The following EDC3 variants were observed in gnomAD, a reference collection of about 807,000 sequenced individuals.
The protein encoded by EDC3 is enhancer of mRNA-decapping protein 3.
A neutral mutation model predicts 41.8 loss-of-function variants in EDC3; 20 were observed. The ratio of observed to expected loss-of-function variants is 0.48; its 90% CI spans 0.34 to 0.70. The LOEUF (loss-of-function observed/expected upper bound fraction) is 0.70, where lower values mean the gene tolerates loss of function less well. Ranked by LOEUF, EDC3 falls within the 30% of genes least tolerant of loss-of-function variation. EDC3 has a pLI of 0.01. For synonymous variants in EDC3, 206 were observed against 243.2 expected, an observed-to-expected ratio of 0.85 and a Z score of 1.42; for missense variants, 444 against 636.8, an observed-to-expected ratio of 0.70 and a Z score of 3.26.
At chr15:74,693,327 G>C (rs1484323561) in intron 1 of EDC3, among the ~76,000 whole-genome samples, 3 of 151,978 alleles carry the variant, frequency 2.0e-5, no homozygotes, top group Non-Finnish European at 4.4e-5. Flanking sequence ...TCCCCTAATA[G>C]GTATAGTTGA....
At chr15:74,694,202 T>G (rs1372232426) in intron 1 of EDC3, among the ~76,000 whole-genome samples, 2 of 152,200 alleles carry the variant, frequency 1.3e-5, no homozygotes, top group Non-Finnish European at 2.9e-5. Context: ...TGGCAAGGAT[T>G]TTAAACATTT....
At chr15:74,690,424 A>G (rs913488722) in intron 1 of EDC3, among the ~76,000 whole-genome samples, 3 of 152,222 alleles carry the variant, frequency 2.0e-5, no homozygotes, top group African/African-American at 7.2e-5. Context: ...TCCATAAATT[A>G]CAAATAAACA....
chr15:74,649,883 T>G (rs1443701924), intron 4 of EDC3, among the ~76,000 whole-genome samples: 1 of 151,126 alleles, frequency 6.6e-6, no homozygotes, highest in East Asian at 1.9e-4. Flanking sequence ...CACAAAACCA[T>G]GTAGGCTTGG....
At chr15:74,665,542 G>C (rs1367684955) in intron 3 of EDC3, among the ~76,000 whole-genome samples, 3 of 152,062 alleles carry the variant, frequency 2.0e-5, no homozygotes, top group Non-Finnish European at 4.4e-5. Flanking sequence ...CCTAAACAAG[G>C]CTTGGTTTCC....
At chr15:74,695,293 TA>T (rs1370051211) in intron 1 of EDC3, 1 of 152,180 alleles carries the variant, frequency 6.6e-6, no homozygotes, top group Non-Finnish European at 1.5e-5. Flanking sequence ...CAAAACACTT[TA>T]ACCACTCAGC....
intron 3 of EDC3, among the ~76,000 whole-genome samples, chr15:74,659,747 AAAAAT>A (rs1295653565): frequency 4.0e-5 from 6 of 151,812 alleles, no homozygotes; most frequent in South Asian, 2.1e-4. Context: ...ATCCTGGCTA[AAAAAT>A]AAAATAAAAG....
intron 3 of EDC3, among the ~76,000 whole-genome samples, chr15:74,658,121 C>T (rs1365428565): frequency 6.6e-6 from 1 of 152,216 alleles, no homozygotes; most frequent in Non-Finnish European, 1.5e-5. Context: ...CTCCATCTGA[C>T]TACCCTGAAA....
At position 74,635,497 on chromosome 15, in the gene EDC3, C is replaced by G; in HGVS notation, c.1104G>C (p.Leu368=). 6.2e-7 allele frequency: 1 copy of G among 1,614,216 alleles called. No individual in the cohort carries two copies. The highest frequency in any genetic ancestry group is 1.7e-5 in the Admixed American group (1 of 60,028). ...ATTCCAACATCTTGACAAAATTGGG[C>G]AGGAAAAGGATGACCTGGACATCAT... ...ANHDVQVILF[L]PNFVKMLESI... The change falls in exon 6 of 7, where the codon CTG becomes CTC. Residue 368 remains leucine (L), a synonymous_variant. Transcript: ENST00000315127.
chr15:74,659,706 T>C (rs1005522016), intron 3 of EDC3, among the ~76,000 whole-genome samples: 2 of 150,966 alleles, frequency 1.3e-5, no homozygotes, highest in African/African-American at 4.9e-5. Flanking sequence ...CCCCTGTCTT[T>C]ATAAAAAAAT....
At chr15:74,650,385 T>C (rs2062466753) in intron 4 of EDC3, among the ~76,000 whole-genome samples, 1 of 152,146 alleles carries the variant, frequency 6.6e-6, no homozygotes, top group Non-Finnish European at 1.5e-5. Context: ...ACTCATACTA[T>C]TCACCTGCAC....
intron 4 of EDC3, among the ~76,000 whole-genome samples, chr15:74,652,211 C>T (rs759215438): frequency 6.6e-6 from 1 of 151,792 alleles, no homozygotes; most frequent in Non-Finnish European, 1.5e-5. Context: ...TTAAACTGCC[C>T]TTCTCTTCTT....
chr15:74,688,751 C>A (rs1419480912), intron 1 of EDC3, among the ~76,000 whole-genome samples: 1 of 151,930 alleles, frequency 6.6e-6, no homozygotes, highest in African/African-American at 2.4e-5. Flanking sequence ...ACTAAAAATA[C>A]AAAAAATTAG....
At chr15:74,672,842 G>C (rs2062755115) in intron 2 of EDC3, among the ~76,000 whole-genome samples, 1 of 151,802 alleles carries the variant, frequency 6.6e-6, no homozygotes, top group African/African-American at 2.4e-5. Context: ...TTTTTTAAGT[G>C]TTAAATGTTA....
chr15:74,635,336 G>A (rs753835185), intron 6 of EDC3, 73 bp downstream of exon 6: 1 of 1,433,728 alleles, frequency 7.0e-7, no homozygotes, highest in South Asian at 1.1e-5. Context: ...TGTCGCCACT[G>A]GGTGGCATGA....
At chr15:74,694,661 G>A (rs1240910386) in intron 1 of EDC3, among the ~76,000 whole-genome samples, 1 of 152,208 alleles carries the variant, frequency 6.6e-6, no homozygotes, top group Non-Finnish European at 1.5e-5. Context: ...TCAATTTAGT[G>A]AGTTGCAACC....
chr15:74,667,132 G>A (rs377212916), intron 3 of EDC3, among the ~76,000 whole-genome samples: 2 of 152,092 alleles, frequency 1.3e-5, no homozygotes, highest in African/African-American at 2.4e-5. Flanking sequence ...GACAATAGGA[G>A]ACAGGTTTCT....
intron 4 of EDC3, among the ~76,000 whole-genome samples, chr15:74,649,869 G>T (rs1023374288): frequency 3.3e-5 from 5 of 149,440 alleles, no homozygotes; most frequent in East Asian, 4.0e-4. Flanking sequence ...AAGGGGGGGG[G>T]GGTCACAAAA....
chr15:74,679,576 C>A (rs2062845366), intron 1 of EDC3, among the ~76,000 whole-genome samples: 1 of 151,830 alleles, frequency 6.6e-6, no homozygotes, highest in Non-Finnish European at 1.5e-5. Context: ...AGAATACTAT[C>A]CCCCATGAAT....
chr15:74,685,833 C>T (rs2062930873), intron 1 of EDC3, among the ~76,000 whole-genome samples: 1 of 152,026 alleles, frequency 6.6e-6, no homozygotes, highest in African/African-American at 2.4e-5. Context: ...GCACTTGAAA[C>T]TGTTTTCAAA....
Sources: allele counts gnomAD v4.1 joint callset (sites outside exome capture counted in the v4.1 genomes callset), GRCh38; gene constraint gnomAD v4.1.1; transcripts MANE v1.5; gene names NCBI Gene and HGNC (gene_info 2026-07-23, HGNC 2026-07-21).